The following HDAC7 variants were observed in gnomAD, a reference collection of about 807,000 sequenced individuals.
HDAC7 encodes the protein histone deacetylase 7A.
Under a neutral mutation model 115.5 loss-of-function variants are expected in HDAC7, and 26 were observed. That is an observed-to-expected ratio of 0.23 (90% CI 0.16 to 0.31). The LOEUF is 0.31. HDAC7 is among the 10% of genes least tolerant of loss of function. HDAC7 has a pLI of 1.00. For synonymous variants in HDAC7, 564 were observed against 550.9 expected, an observed-to-expected ratio of 1.02 and a Z score of -0.33; for missense variants, 1,068 against 1,329.0, an observed-to-expected ratio of 0.80 and a Z score of 3.05.
chr12:47,808,596 G>A (rs1314758479), intron 1 of HDAC7, among the ~76,000 whole-genome samples: 8 of 152,142 alleles, frequency 5.3e-5, no homozygotes, highest in African/African-American at 1.9e-4. Context: ...CTCTGACAGA[G>A]AAAAACAGGG....
At position 47,803,083 on chromosome 12, in the gene HDAC7, C is replaced by T. The variant is rs540587390; in HGVS notation, c.20-809G>A. Among the ~76,000 whole-genome samples the T allele has an allele frequency of 2.6e-5, 4 of 152,194 alleles. No individual in the cohort carries two copies. Among genetic ancestry groups the T allele is most frequent in the Non-Finnish European group, 5.9e-5 (4 of 68,036 alleles). On this transcript the variant is annotated intron_variant, in intron 1 of 25. Coordinates refer to ENST00000080059, the MANE Select transcript of HDAC7 (RefSeq NM_015401.5). This position sits in a 1 kb window ranked among gnomAD's most constrained non-coding sequence, Gnocchi z 4.0. ...CCCAGCAAGAAAACCTATAGTAGGG[C>T]CCAAGCTGGTCAGCAGCAGAAAGCC...
chr12:47,789,083 C>T (rs972432064), intron 19 of HDAC7, 178 bp downstream of exon 19: 7 of 633,732 alleles, frequency 1.1e-5, no homozygotes, highest in Non-Finnish European at 2.0e-5. Context: ...CACGCCATCC[C>T]CTCTAGGCCT....
chr12:47,790,176 C>G (rs1943406682), intron 16 of HDAC7: 1 of 497,884 alleles, frequency 2.0e-6, no homozygotes, highest in Admixed American at 3.3e-5. Flanking sequence ...ACGCCTGCCT[C>G]CCCGGTCAGG....
At chr12:47,810,923 G>T (rs1176050141) in intron 1 of HDAC7, among the ~76,000 whole-genome samples, 1 of 152,010 alleles carries the variant, frequency 6.6e-6, no homozygotes, top group Non-Finnish European at 1.5e-5. Flanking sequence ...AAGTGCAAAA[G>T]GGAGCACCTA....
Position 47,793,333 on chromosome 12 carries a change from CCCTCCCTCCACCCG to C in HDAC7, c.1678+22_1678+35del. The stretch of plus-strand genomic sequence containing the variant: ...CCCACATGGACTCGTGCAGCCGAGC[CCCTCCCTCCACCCG>C]CCACCCTCCTCCCGGTCTCACCTGT... On this transcript the variant is annotated intron_variant, in intron 13 of 25. Transcript: ENST00000080059. The surrounding 1 kb of genome is among the most constrained non-coding windows in gnomAD (Gnocchi z 4.5). 7.7e-7 allele frequency: 1 copy of C among 1,294,634 alleles called. No homozygotes were observed. The highest frequency in any genetic ancestry group is 1.1e-6 in the Non-Finnish European group (1 of 942,066). The allele number at this position is 1,294,634 out of a possible 1,614,324, so 80.2% of individuals were successfully genotyped here. A position where few individuals can be genotyped will look rare whatever the true frequency, so the allele number is the denominator to read the frequency against.
At chr12:47,811,860 G>C (rs1294187398) in intron 1 of HDAC7, among the ~76,000 whole-genome samples, 7 of 152,228 alleles carry the variant, frequency 4.6e-5, no homozygotes, top group Non-Finnish European at 8.8e-5. Context: ...ATAACACAGA[G>C]CTGGGCACAA....
chr12:47,789,435 C>T, intron 18 of HDAC7, 87 bp from the exon 19 acceptor site: 3 of 1,580,948 alleles, frequency 1.9e-6, no homozygotes, highest in Non-Finnish European at 1.7e-6. Context: ...CCTGAGAAAG[C>T]TCAGGGAAGA....
Position 47,802,280 on chromosome 12 carries a change from G to C in HDAC7, c.20-6C>G. 8.1e-6 allele frequency: 13 copies of C among 1,611,838 alleles called. No individual in the cohort carries two copies. Among genetic ancestry groups the C allele is most frequent in the Non-Finnish European group, 1.1e-5 (13 of 1,178,200 alleles). On this transcript the variant is annotated splice_region_variant and splice_polypyrimidine_tract_variant and intron_variant, in intron 1 of 25. Transcript: ENST00000080059. ...CGGGCTCACCTGGGTCCCATCTGTA[G>C]AGAGAGAGACGGAGTGAAAGAGCTG...
At chr12:47,794,272 CT>C (rs1943686688) in intron 12 of HDAC7, among the ~76,000 whole-genome samples, 1 of 152,250 alleles carries the variant, frequency 6.6e-6, no homozygotes, top group Admixed American at 6.5e-5. Flanking sequence ...TCGATTTTGA[CT>C]TCCAGCCTCC....
chr12:47,783,396 T>C lies in HDAC7; in HGVS notation c.*445A>G. Reference sequence around the variant, plus strand: ...TGGCTCCCCACTCCCCCCTAGCCCCTAGAGCCTAGGAAGGGCCAGCCTGTC... The same window carrying C: ...TGGCTCCCCACTCCCCCCTAGCCCCCAGAGCCTAGGAAGGGCCAGCCTGTC... On this transcript the variant is annotated 3_prime_UTR_variant, in exon 26 of 26. Transcript: ENST00000080059. 1 of 198,160 alleles carries C rather than the reference T, an allele frequency of 5.0e-6. No individual in the cohort carries two copies. The highest frequency in any genetic ancestry group is 1.2e-4 in the East Asian group (1 of 8,362). 12.3% of individuals were successfully genotyped at this position (198,160 alleles called of 1,614,324 possible).
At position 47,791,666 on chromosome 12, in the gene HDAC7, G is replaced by A. The variant is rs73291234; in HGVS notation, c.1853C>T (p.Ser618Leu). The part of the protein sequence containing the change: ...GRKASLEELQ[S>L]VHSERHVLLY... ...GAGCACGTGCCGCTCAGAGTGGACC[G>A]ACTGCAGCTCTTCCAGGGAGGCCTT... is the stretch of plus-strand genomic sequence containing the variant. The change falls in exon 15 of 26, where the codon TCG (serine) becomes TTG (leucine). Residue 618 changes from serine to leucine, a missense_variant. This residue lies in a region of HDAC7 where 618 missense variants were observed against 701.5 expected (regional missense o/e 0.88). Coordinates refer to ENST00000080059, the MANE Select transcript of HDAC7 (RefSeq NM_015401.5). 1.8e-3 allele frequency: 2,902 copies of A among 1,613,700 alleles called. 36 individuals carry two copies. In the African/African-American group the frequency reaches 0.032, roughly 18 times the overall value.
chr12:47,818,636 G>T (rs1451028508), intron 1 of HDAC7, among the ~76,000 whole-genome samples: 1 of 152,206 alleles, frequency 6.6e-6, no homozygotes, highest in African/African-American at 2.4e-5. Context: ...CTGAGAAGTT[G>T]ATCTTGAGCT....
rs145205539 is a variant in HDAC7, at chr12:47,792,494, G to C, written c.1679-490C>G. On this transcript the variant is annotated intron_variant, in intron 13 of 25. Coordinates refer to ENST00000080059, the MANE Select transcript of HDAC7 (RefSeq NM_015401.5). ...AGCCCACGATGACACTGGACCATGT[G>C]ATAGACAAATCCAGCTTTGGAGAAG... 2,660 of 374,854 alleles carry C rather than the reference G, an allele frequency of 7.1e-3. 14 individuals are homozygous for C. Among genetic ancestry groups the C allele is most frequent in the Non-Finnish European group, 9.1e-3 (1,692 of 185,526 alleles). The allele number at this position is 374,854 out of a possible 1,614,324, so 23.2% of individuals were successfully genotyped here.
At chr12:47,812,589 G>C (rs1030449781) in intron 1 of HDAC7, among the ~76,000 whole-genome samples, 1 of 152,190 alleles carries the variant, frequency 6.6e-6, no homozygotes, top group African/African-American at 2.4e-5. Context: ...CACACTTGCA[G>C]GAGAAACCGA....
rs1436761959 is a variant in HDAC7 at position 47,797,150 on chromosome 12, G to A, written c.578-8C>T. 10 of 1,582,946 alleles carry A rather than the reference G, an allele frequency of 6.3e-6. No individual in the cohort carries two copies. The highest frequency in any genetic ancestry group is 8.6e-6 in the Non-Finnish European group (10 of 1,164,968). Reference sequence around the variant, plus strand: ...TCAGGTTGGGCTCAGAGACTGCAGGGAGCACCAGCGTCACTCAGGCCCCCA... The same window carrying A: ...TCAGGTTGGGCTCAGAGACTGCAGGAAGCACCAGCGTCACTCAGGCCCCCA... On this transcript the variant is annotated splice_region_variant and splice_polypyrimidine_tract_variant and intron_variant, in intron 6 of 25. Coordinates refer to ENST00000080059, the MANE Select transcript of HDAC7 (RefSeq NM_015401.5). This position sits in a 1 kb window ranked among gnomAD's most constrained non-coding sequence, Gnocchi z 5.5.
chr12:47,794,751 C>G lies in HDAC7; in HGVS notation c.1458+9G>C. 6.4e-7 allele frequency: 1 copy of G among 1,568,848 alleles called. No homozygotes were observed. The highest frequency in any genetic ancestry group is 8.6e-7 in the Non-Finnish European group (1 of 1,160,332). ...ACACTTTCTGAGGGGCAGGTGGGGACTGCCATACCTGAGGGTGCTGCTGGA... is the reference window on the plus strand; with the variant it reads ...ACACTTTCTGAGGGGCAGGTGGGGAGTGCCATACCTGAGGGTGCTGCTGGA... On this transcript the variant is annotated intron_variant, in intron 12 of 25. Transcript: ENST00000080059.
chr12:47,789,883 G>C lies in HDAC7; in HGVS notation c.2021C>G (p.Ser674Cys). Residue 674 changes from serine to cysteine, a missense_variant, in exon 17 of 26, where the codon TCC becomes TGC. By Grantham distance (112) the Ser-to-Cys change is moderately radical (BLOSUM62 -1). Coordinates refer to ENST00000080059, the MANE Select transcript of HDAC7 (RefSeq NM_015401.5). ...GCCAGCGGCCCAGCGGGCTGCATTG[G>C]AGGAATGAAGCTCATTCCAGATGGT... ...TDTIWNELHSSNAARWAAGSV... is the reference protein window; with the variant it reads ...TDTIWNELHSCNAARWAAGSV... The C allele has an allele frequency of 6.2e-7, 1 of 1,613,792 alleles. No homozygotes were observed. The highest frequency in any genetic ancestry group is 2.2e-5 in the East Asian group (1 of 44,882).
intron 1 of HDAC7, among the ~76,000 whole-genome samples, chr12:47,804,439 C>T (rs145804635): frequency 2.0e-5 from 3 of 151,952 alleles, no homozygotes; most frequent in African/African-American, 7.2e-5. Flanking sequence ...AACATCCTGC[C>T]TCCCAGTTCT....
At chr12:47,790,200 C>T (rs1016039425) in intron 16 of HDAC7, 61 of 439,694 alleles carry the variant, frequency 1.4e-4, no homozygotes, top group South Asian at 8.1e-4. Context: ...GGGGGCATGG[C>T]GTTACCTGGG....
Sources: gnomAD v4.1 joint callset for allele counts (sites outside exome capture counted in the v4.1 genomes callset) on GRCh38, gnomAD v4.1.1 for gene constraint, gnomAD v4.1.1 regional missense constraint, Gnocchi (gnomAD v3.1) non-coding constraint, MANE v1.5 for transcripts, NCBI Gene and HGNC (gene_info 2026-07-23, HGNC 2026-07-21) for gene names.